CAPN5: variants seen among roughly 807,000 people sequenced by gnomAD.
CAPN5 encodes calpain 5, also known as calpain-5.
CAPN5 carries 54 observed loss-of-function variants against 73.0 expected under a neutral mutation model. The observed-to-expected ratio is 0.74, with a 90% confidence interval of 0.59 to 0.93. The LOEUF is 0.93. CAPN5 is among the 40% of genes least tolerant of loss of function. The pLI is 0.00. For synonymous variants in CAPN5, 335 were observed against 356.9 expected, an observed-to-expected ratio of 0.94 and a Z score of 0.69; for missense variants, 785 against 882.9, an observed-to-expected ratio of 0.89 and a Z score of 1.41.
chr11:77,102,728 A>C (rs1361168880), intron 3 of CAPN5: 3 of 1,263,688 alleles, frequency 2.4e-6, no homozygotes, highest in Non-Finnish European at 3.2e-6. Context: ...AGGGAGGGGA[A>C]GAGGGAAGGG....
chr11:77,093,566 C>G (rs1379256869), intron 2 of CAPN5, 116 bp from the exon 3 acceptor site: 2 of 1,416,058 alleles, frequency 1.4e-6, no homozygotes, highest in African/African-American at 2.8e-5. Flanking sequence ...AATCACCATG[C>G]TGATGATCAC....
chr11:77,103,090 C>G, intron 3 of CAPN5: 1 of 1,613,870 alleles, frequency 6.2e-7, no homozygotes, highest in Non-Finnish European at 8.5e-7. Flanking sequence ...ACAGGCACCT[C>G]GCAGAACTGG....
chr11:77,111,279 T>G (rs988421892), intron 3 of CAPN5, among the ~76,000 whole-genome samples: 14 of 152,144 alleles, frequency 9.2e-5, no homozygotes, highest in Admixed American at 6.5e-5. Flanking sequence ...TGGGGCTGGT[T>G]GCAGAGTGGT....
intron 2 of CAPN5, among the ~76,000 whole-genome samples, chr11:77,092,685 TAAA>T (rs1408917652): frequency 6.6e-6 from 1 of 152,144 alleles, no homozygotes; most frequent in Non-Finnish European, 1.5e-5. Context: ...CTGTAGAAAA[TAAA>T]AATGGAGGCT....
intron 2 of CAPN5, chr11:77,088,198 T>G: frequency 9.4e-7 from 1 of 1,069,262 alleles, no homozygotes; most frequent in Non-Finnish European, 1.3e-6. Flanking sequence ...GGGGGACTAA[T>G]GAACAGACAC....
chr11:77,067,352 G>A (rs538277243), intron 1 of CAPN5, among the ~76,000 whole-genome samples: 93 of 145,116 alleles, frequency 6.4e-4, no homozygotes, highest in African/African-American at 2.3e-3. Flanking sequence ...ACCTCCCTCT[G>A]GGTGTCTCCG....
chr11:77,119,274 T>C (rs74708646), intron 9 of CAPN5, 122 bp downstream of exon 9: 21,797 of 1,109,658 alleles, frequency 0.02, 322 homozygotes, highest in South Asian at 0.056. Context: ...CTGGCTGCCG[T>C]GGCAGACATT....
chr11:77,099,355 G>C (rs1555038261), intron 3 of CAPN5, among the ~76,000 whole-genome samples: 1 of 129,352 alleles, frequency 7.7e-6, no homozygotes, highest in Non-Finnish European at 1.6e-5. Flanking sequence ...TGCAATCTCG[G>C]CACTTTGGGA....
chr11:77,121,930 T>C lies in CAPN5; in HGVS notation c.1488-4T>C. ...CTCCCCTCTCCCCTGCCGCCCCATA[T>C]CAGGGAGCTGCGCCTGGATGAGCCC... On this transcript the variant is annotated splice_polypyrimidine_tract_variant and splice_region_variant and intron_variant, in intron 10 of 12. Coordinates refer to ENST00000648180, the MANE Select transcript of CAPN5 (RefSeq NM_004055.5). 6.5e-7 allele frequency: 1 copy of C among 1,530,244 alleles called. No homozygotes were observed. Among genetic ancestry groups the C allele is most frequent in the African/African-American group, 1.4e-5 (1 of 72,488 alleles). The allele number at this position is 1,530,244 out of a possible 1,614,324, so 94.8% of individuals were successfully genotyped here. A position where few individuals can be genotyped will look rare whatever the true frequency, so the allele number is the denominator to read the frequency against.
intron 6 of CAPN5, 74 bp from the exon 7 acceptor site, chr11:77,116,152 C>T (rs1950466043): frequency 7.0e-7 from 1 of 1,421,356 alleles, no homozygotes; most frequent in African/African-American, 1.4e-5. Context: ...TGCCTCCTCG[C>T]CTTTGCCAGA....
Position 77,102,926 on chromosome 11 carries a change from G to A in CAPN5, c.297+9113G>A, listed in dbSNP as rs1459707399. ...TGACCAGGCAGATGCGGCTACGCGT[G>A]GAGAGCCTGAAGCAGCGCGGGGAGA... On this transcript the variant is annotated intron_variant, in intron 3 of 12. Transcript: ENST00000648180. 3 of 1,612,946 alleles carry A rather than the reference G, an allele frequency of 1.9e-6. No individual in the cohort carries two copies. The Admixed American group carries it at 5.0e-5, about 27-fold the overall frequency.
At chr11:77,105,425 G>A (rs1361231678) in intron 3 of CAPN5, among the ~76,000 whole-genome samples, 1 of 152,182 alleles carries the variant, frequency 6.6e-6, no homozygotes, top group South Asian at 2.1e-4. Flanking sequence ...CTGCCTCCGT[G>A]TTGGGTGTGC....
At position 77,084,863 on chromosome 11, in the gene CAPN5, C is replaced by A; in HGVS notation, c.-24C>A. 1 of 1,613,816 alleles carries A rather than the reference C, an allele frequency of 6.2e-7. No individual in the cohort carries two copies. The highest frequency in any genetic ancestry group is 1.6e-4 in the Middle Eastern group (1 of 6,062). On this transcript the variant is annotated 5_prime_UTR_variant, in exon 2 of 13. Transcript: ENST00000648180. Reference sequence around the variant, plus strand: ...GCCTTCCTGTCCAGGTGTTCCCCCTCCCCTCCCTGGGGCAGCAGCCACCAT... The same window carrying A: ...GCCTTCCTGTCCAGGTGTTCCCCCTACCCTCCCTGGGGCAGCAGCCACCAT...
rs563554909 is a variant in CAPN5 at position 77,073,616 on chromosome 11, T to C, written c.-36+6522T>C. 1.1e-4 allele frequency among the ~76,000 whole-genome samples: 16 copies of C among 152,314 alleles called. No homozygotes were observed. The East Asian group carries it at 3.1e-3, about 29-fold the overall frequency. On this transcript the variant is annotated intron_variant, in intron 1 of 12. Coordinates refer to ENST00000648180, the MANE Select transcript of CAPN5 (RefSeq NM_004055.5). ...TTCCCCCAGGACCAGCCAGAGACCCTGTTCCCCATACACACATGGCCCTGC... is the reference window on the plus strand; with the variant it reads ...TTCCCCCAGGACCAGCCAGAGACCCCGTTCCCCATACACACATGGCCCTGC...
intron 2 of CAPN5, among the ~76,000 whole-genome samples, chr11:77,089,682 G>A (rs1007569096): frequency 6.6e-6 from 1 of 152,192 alleles, no homozygotes; most frequent in Non-Finnish European, 1.5e-5. Context: ...AGACCAGCCT[G>A]GCCAACATAG....
intron 1 of CAPN5, among the ~76,000 whole-genome samples, chr11:77,082,373 C>T (rs1473412277): frequency 6.6e-6 from 1 of 152,186 alleles, no homozygotes; most frequent in Non-Finnish European, 1.5e-5. Context: ...TGCTACGGGC[C>T]TAAGCTCAGG....
intron 1 of CAPN5, among the ~76,000 whole-genome samples, chr11:77,082,416 G>A (rs1950036874): frequency 6.6e-6 from 1 of 152,222 alleles, no homozygotes; most frequent in Non-Finnish European, 1.5e-5. Flanking sequence ...GGAGCAGCTT[G>A]CCTGCCTCCT....
chr11:77,080,540 G>A (rs1950017594), intron 1 of CAPN5, among the ~76,000 whole-genome samples: 1 of 152,152 alleles, frequency 6.6e-6, no homozygotes, highest in Non-Finnish European at 1.5e-5. Flanking sequence ...TGGCTTAGGT[G>A]GTCCAGGGAA....
At chr11:77,073,470 C>T (rs1949932867) in intron 1 of CAPN5, among the ~76,000 whole-genome samples, 1 of 152,228 alleles carries the variant, frequency 6.6e-6, no homozygotes, top group African/African-American at 2.4e-5. Context: ...AGATGAAGAA[C>T]AGCTGCAGGG....
Sources: allele counts gnomAD v4.1 joint callset (sites outside exome capture counted in the v4.1 genomes callset), GRCh38; gene constraint gnomAD v4.1.1; transcripts MANE v1.5; gene names NCBI Gene and HGNC (gene_info 2026-07-23, HGNC 2026-07-21).